The following MAST2 variants were observed in gnomAD, a reference collection of about 807,000 sequenced individuals.
The protein encoded by MAST2 is microtubule associated serine/threonine kinase 2.
In MAST2, 70 loss-of-function variants were observed where a neutral mutation model predicts 147.4. The observed-to-expected ratio is 0.47, with a 90% confidence interval of 0.39 to 0.58. MAST2 has a LOEUF of 0.58. Ranked by LOEUF, MAST2 falls within the 20% of genes least tolerant of loss-of-function variation. MAST2 has a pLI of 0.00. For missense variants in MAST2, 2,080 were observed against 2,302.3 expected (o/e 0.90, Z 1.98); for synonymous variants, 869 against 896.8 (o/e 0.97, Z 0.55).
intron 4 of MAST2, among the ~76,000 whole-genome samples, chr1:45,913,234 A>C (rs550783491): frequency 1.3e-5 from 2 of 152,294 alleles, no homozygotes; most frequent in East Asian, 3.9e-4. Flanking sequence ...AAAGCCCTGT[A>C]GTCTTCCTTC....
chr1:45,984,178 A>G (rs1342357148), intron 5 of MAST2, among the ~76,000 whole-genome samples: 2 of 152,224 alleles, frequency 1.3e-5, no homozygotes, highest in African/African-American at 4.8e-5. Context: ...ACAGAAGATA[A>G]AAATTTATCA....
intron 11 of MAST2, among the ~76,000 whole-genome samples, chr1:46,021,555 T>G (rs1646180396): frequency 6.6e-6 from 1 of 152,242 alleles, no homozygotes; most frequent in Non-Finnish European, 1.5e-5. Context: ...CATGCACCAG[T>G]AGGGCTTTGC....
intron 1 of MAST2, among the ~76,000 whole-genome samples, chr1:45,823,878 G>A (rs548286029): frequency 1.3e-5 from 2 of 152,164 alleles, no homozygotes; most frequent in African/African-American, 4.8e-5. Context: ...GTGTTGGAGT[G>A]GAATGGGAAG....
At chr1:45,974,901 T>TA in intron 5 of MAST2, among the ~76,000 whole-genome samples, 1 of 152,216 alleles carries the variant, frequency 6.6e-6, no homozygotes, top group Non-Finnish European at 1.5e-5. Context: ...GATACAGGAA[T>TA]AAAATCCTTA....
chr1:45,897,081 C>G (rs1648859692), intron 4 of MAST2, among the ~76,000 whole-genome samples: 1 of 152,182 alleles, frequency 6.6e-6, no homozygotes, highest in Non-Finnish European at 1.5e-5. Flanking sequence ...TTATTCACTT[C>G]TTTACTTTCA....
At chr1:45,979,697 T>C (rs1378082286) in intron 5 of MAST2, among the ~76,000 whole-genome samples, 1 of 152,156 alleles carries the variant, frequency 6.6e-6, no homozygotes, top group Non-Finnish European at 1.5e-5. Context: ...TTCCACTTTA[T>C]GATGGCTTAC....
chr1:45,943,123 A>T (rs1323168065), intron 4 of MAST2, among the ~76,000 whole-genome samples: 1 of 152,214 alleles, frequency 6.6e-6, no homozygotes, highest in Non-Finnish European at 1.5e-5. Context: ...TTGAAACAGT[A>T]GCATATGCAA....
At position 46,023,534 on chromosome 1, in the gene MAST2, G is replaced by A. The variant is rs61178863; in HGVS notation, c.1571+216G>A. 1,405 of 617,740 alleles carry A rather than the reference G, an allele frequency of 2.3e-3. 19 individuals carry two copies. The African/African-American group carries it at 0.024, about 11-fold the overall frequency. The allele number at this position is 617,740 out of a possible 1,614,324, so 38.3% of individuals were successfully genotyped here. A position where few individuals can be genotyped will look rare whatever the true frequency, so the allele number is the denominator to read the frequency against. ...AGATTCCCACGCCTCTTACTACCAC[G>A]CATCCTCCATTCCCTGAGCTCTGGG... On this transcript the variant is annotated intron_variant, in intron 14 of 28. Coordinates refer to ENST00000361297, the MANE Select transcript of MAST2 (RefSeq NM_015112.3). The surrounding 1 kb of genome is among the most constrained non-coding windows in gnomAD (Gnocchi z 4.9).
In MAST2 at chr1:46,025,715, C is replaced by T; in HGVS notation, c.1819C>T (p.Leu607=). 3 of 1,614,214 alleles carry T rather than the reference C, an allele frequency of 1.9e-6. No homozygotes were observed. Among genetic ancestry groups the T allele is most frequent in the Non-Finnish European group, 2.5e-6 (3 of 1,180,040 alleles). Residue 607 remains leucine (L), a synonymous_variant, in exon 16 of 29, where the codon CTG becomes TTG. Transcript: ENST00000361297. The part of the protein sequence containing the change: ...CATLLKNIGA[L]PVDMVRLYFA... ...CACTCTGCTGAAGAATATTGGGGCC[C>T]TGCCTGTGGACATGGTGCGTCTATA...
At chr1:46,026,872 T>C (rs1646435879) in intron 16 of MAST2, among the ~76,000 whole-genome samples, 1 of 152,014 alleles carries the variant, frequency 6.6e-6, no homozygotes, top group Non-Finnish European at 1.5e-5. Context: ...AGTTTGAGTC[T>C]ACTAATTAAA....
intron 3 of MAST2, among the ~76,000 whole-genome samples, chr1:45,858,374 C>A (rs1342067289): frequency 6.6e-6 from 1 of 152,104 alleles, no homozygotes; most frequent in Admixed American, 6.6e-5. Context: ...TGATGATGAG[C>A]ATTTTTTCAT....
chr1:45,900,947 G>A (rs1359048727), intron 4 of MAST2, among the ~76,000 whole-genome samples: 1 of 151,948 alleles, frequency 6.6e-6, no homozygotes, highest in East Asian at 1.9e-4. Flanking sequence ...CCATTCTATG[G>A]GTTGTCTTTT....
chr1:45,871,403 C>A (rs1646388487), intron 3 of MAST2, among the ~76,000 whole-genome samples: 1 of 152,066 alleles, frequency 6.6e-6, no homozygotes, highest in South Asian at 2.1e-4. Context: ...CTGAAACAGG[C>A]CAGTTTAAAA....
intron 10 of MAST2, among the ~76,000 whole-genome samples, chr1:46,013,284 A>T (rs1645791331): frequency 6.6e-6 from 1 of 152,164 alleles, no homozygotes; most frequent in African/African-American, 2.4e-5. Context: ...CCCAACCCAG[A>T]TTTGGCTTAT....
At chr1:46,018,898 G>A (rs1241271656) in intron 10 of MAST2, among the ~76,000 whole-genome samples, 1 of 152,164 alleles carries the variant, frequency 6.6e-6, no homozygotes, top group Non-Finnish European at 1.5e-5. Flanking sequence ...CTGCCTAGCT[G>A]TTCTTTCTCT....
intron 4 of MAST2, among the ~76,000 whole-genome samples, chr1:45,918,009 G>C (rs1309846413): frequency 1.1e-4 from 17 of 152,090 alleles, no homozygotes; most frequent in Admixed American, 9.8e-4. Context: ...ACACTGTTTT[G>C]GGCATGGGAA....
chr1:45,936,568 A>G (rs2148757978), intron 4 of MAST2, among the ~76,000 whole-genome samples: 1 of 152,064 alleles, frequency 6.6e-6, no homozygotes, highest in East Asian at 1.9e-4. Flanking sequence ...TGATTGTCTG[A>G]TCATTTTTTC....
chr1:45,971,790 C>T (rs1187972626), intron 5 of MAST2, among the ~76,000 whole-genome samples: 1 of 152,126 alleles, frequency 6.6e-6, no homozygotes, highest in Non-Finnish European at 1.5e-5. Flanking sequence ...AAACATCCTT[C>T]TTCATATTCT....
chr1:45,948,284 T>C (rs768276098), intron 4 of MAST2, among the ~76,000 whole-genome samples: 3 of 152,170 alleles, frequency 2.0e-5, no homozygotes, highest in Admixed American at 6.5e-5. Flanking sequence ...AAACATACCA[T>C]GCTCATGGAT....
Sources: allele counts gnomAD v4.1 joint callset (sites outside exome capture counted in the v4.1 genomes callset), GRCh38; gene constraint gnomAD v4.1.1; non-coding constraint Gnocchi (gnomAD v3.1); transcripts MANE v1.5; gene names NCBI Gene and HGNC (gene_info 2026-07-23, HGNC 2026-07-21).